ZCCHC7: variants seen among roughly 807,000 people sequenced by gnomAD.
The protein encoded by ZCCHC7 is zinc finger CCHC domain-containing protein 7.
A neutral mutation model predicts 52.0 loss-of-function variants in ZCCHC7; 35 were observed. The ratio of observed to expected loss-of-function variants is 0.67; its 90% CI spans 0.51 to 0.89. The LOEUF is 0.89. Among genes scored for constraint, ZCCHC7 ranks in the 40% least tolerant of loss-of-function variants. The pLI is 0.00. For synonymous variants in ZCCHC7, 217 were observed against 221.5 expected, an observed-to-expected ratio of 0.98 and a Z score of 0.18; for missense variants, 574 against 649.1, an observed-to-expected ratio of 0.88 and a Z score of 1.26.
intron 6 of ZCCHC7, among the ~76,000 whole-genome samples, chr9:37,333,447 C>T (rs1462399863): frequency 2.6e-5 from 4 of 151,560 alleles, no homozygotes; most frequent in African/African-American, 9.7e-5. Context: ...TTATTCCTGC[C>T]CCTAGTGGCT....
At chr9:37,150,105 A>G (rs532406456) in intron 2 of ZCCHC7, among the ~76,000 whole-genome samples, 17 of 152,324 alleles carry the variant, frequency 1.1e-4, no homozygotes, top group African/African-American at 3.6e-4. Flanking sequence ...GACTACAATG[A>G]TGCTCAGTAT....
At chr9:37,196,938 C>A (rs1036060419) in intron 2 of ZCCHC7, among the ~76,000 whole-genome samples, 4 of 151,934 alleles carry the variant, frequency 2.6e-5, no homozygotes, top group African/African-American at 9.7e-5. Flanking sequence ...ACATTAGGTA[C>A]TGGGTAGTAT....
intron 2 of ZCCHC7, among the ~76,000 whole-genome samples, chr9:37,241,808 C>T (rs1825884931): frequency 6.6e-6 from 1 of 151,742 alleles, no homozygotes; most frequent in African/African-American, 2.4e-5. Flanking sequence ...TTTCTAGCTG[C>T]ATCCCTATTC....
intron 2 of ZCCHC7, among the ~76,000 whole-genome samples, chr9:37,196,944 A>T (rs774633060): frequency 2.0e-5 from 3 of 152,190 alleles, no homozygotes; most frequent in Non-Finnish European, 4.4e-5. Flanking sequence ...GGTACTGGGT[A>T]GTATTTTAGT....
intron 2 of ZCCHC7, among the ~76,000 whole-genome samples, chr9:37,172,293 T>C (rs1373651292): frequency 2.0e-5 from 3 of 152,218 alleles, no homozygotes; most frequent in African/African-American, 7.2e-5. Flanking sequence ...AAAATTATCA[T>C]TTGTACTGTT....
chr9:37,289,002 T>A (rs1277027250), intron 2 of ZCCHC7, among the ~76,000 whole-genome samples: 1 of 152,182 alleles, frequency 6.6e-6, no homozygotes, highest in Non-Finnish European at 1.5e-5. Flanking sequence ...ATTTGAATAT[T>A]TTAATACTAT....
At chr9:37,148,592 T>C (rs1843545339) in intron 2 of ZCCHC7, among the ~76,000 whole-genome samples, 1 of 152,220 alleles carries the variant, frequency 6.6e-6, no homozygotes, top group African/African-American at 2.4e-5. Context: ...GTACCTGTTA[T>C]AAAGGTAACA....
At chr9:37,345,889 G>C (rs1177005373) in intron 6 of ZCCHC7, among the ~76,000 whole-genome samples, 1 of 152,172 alleles carries the variant, frequency 6.6e-6, no homozygotes, top group Non-Finnish European at 1.5e-5. Context: ...AGATTATTGA[G>C]GTTATTGTTT....
In ZCCHC7 at chr9:37,357,688, T is replaced by G. The variant is rs916178915; in HGVS notation, c.*420T>G. 5.9e-5 allele frequency: 9 copies of G among 152,806 alleles called. No homozygotes were observed. Among genetic ancestry groups the G allele is most frequent in the African/African-American group, 2.2e-4 (9 of 41,398 alleles). 9.5% of individuals were successfully genotyped at this position (152,806 alleles called of 1,614,324 possible). The stretch of plus-strand genomic sequence containing the variant: ...ATTTTTCAACTTTTTTTTTTTTTTT[T>G]TTTACTTTGGAAAGGACAATAACTA... On this transcript the variant is annotated 3_prime_UTR_variant, in exon 9 of 9. Coordinates refer to ENST00000336755, the MANE Select transcript of ZCCHC7 (RefSeq NM_032226.3).
chr9:37,347,163 A>G (rs1402617727), intron 6 of ZCCHC7, among the ~76,000 whole-genome samples: 2 of 151,668 alleles, frequency 1.3e-5, no homozygotes, highest in Non-Finnish European at 2.9e-5. Flanking sequence ...TACAGCCACC[A>G]CCTCCTCAGA....
At chr9:37,294,791 T>C (rs1024862014) in intron 2 of ZCCHC7, among the ~76,000 whole-genome samples, 4 of 152,156 alleles carry the variant, frequency 2.6e-5, no homozygotes, top group African/African-American at 9.7e-5. Context: ...ATAGATAAAA[T>C]AGATATGGTC....
intron 6 of ZCCHC7, among the ~76,000 whole-genome samples, chr9:37,339,249 C>T (rs1830819358): frequency 6.6e-6 from 1 of 152,088 alleles, no homozygotes; most frequent in Admixed American, 6.6e-5. Context: ...TCCTAGTATT[C>T]CTGAAAGGGA....
chr9:37,272,562 C>A (rs1191103348), intron 2 of ZCCHC7, among the ~76,000 whole-genome samples: 1 of 150,784 alleles, frequency 6.6e-6, no homozygotes, highest in Non-Finnish European at 1.5e-5. Context: ...CCTTCTCCAC[C>A]ACATACTTCA....
chr9:37,138,245 G>C (rs777627807), intron 2 of ZCCHC7, among the ~76,000 whole-genome samples: 1 of 152,108 alleles, frequency 6.6e-6, no homozygotes, highest in Non-Finnish European at 1.5e-5. Context: ...AAAATGTTCA[G>C]TTTCAGCTTT....
At chr9:37,283,353 T>C (rs1260357380) in intron 2 of ZCCHC7, among the ~76,000 whole-genome samples, 1 of 152,198 alleles carries the variant, frequency 6.6e-6, no homozygotes, top group Non-Finnish European at 1.5e-5. Flanking sequence ...AATTAAACTT[T>C]CTGTATTTTT....
chr9:37,290,586 G>A (rs899294781), intron 2 of ZCCHC7, among the ~76,000 whole-genome samples: 12 of 152,166 alleles, frequency 7.9e-5, no homozygotes, highest in Non-Finnish European at 1.8e-4. Context: ...CACCCGGGAG[G>A]CGGATGGAGG....
intron 3 of ZCCHC7, among the ~76,000 whole-genome samples, chr9:37,303,221 T>G (rs1829118613): frequency 6.6e-6 from 1 of 151,984 alleles, no homozygotes; most frequent in African/African-American, 2.4e-5. Context: ...GGTCAGGAGT[T>G]CGAAATCAGA....
chr9:37,242,921 G>A (rs1417070374), intron 2 of ZCCHC7, among the ~76,000 whole-genome samples: 1 of 151,916 alleles, frequency 6.6e-6, no homozygotes, highest in African/African-American at 2.4e-5. Context: ...CAGATTCAGT[G>A]ACAAGTTTGA....
intron 1 of ZCCHC7, among the ~76,000 whole-genome samples, chr9:37,121,398 C>T (rs985876819): frequency 1.3e-5 from 2 of 152,228 alleles, no homozygotes; most frequent in Non-Finnish European, 2.9e-5. Context: ...GAGCTCCTTT[C>T]TCCAACTATA....
Sources: allele counts gnomAD v4.1 joint callset (sites outside exome capture counted in the v4.1 genomes callset), GRCh38; gene constraint gnomAD v4.1.1; transcripts MANE v1.5; gene names NCBI Gene and HGNC (gene_info 2026-07-23, HGNC 2026-07-21).